The following SGIP1 variants were observed in gnomAD, a reference collection of about 807,000 sequenced individuals.
SGIP1 encodes SH3-containing GRB2-like protein 3-interacting protein 1.
SGIP1 carries 38 observed loss-of-function variants against 107.5 expected under a neutral mutation model. The ratio of observed to expected loss-of-function variants is 0.35; its 90% confidence interval spans 0.27 to 0.46. SGIP1 has a LOEUF of 0.46. SGIP1 is among the 20% of genes least tolerant of loss of function. The probability of loss-of-function intolerance (pLI) is 1.00; values close to 1 mark genes in which losing one functional copy is unlikely to be tolerated. For missense variants in SGIP1, 929 were observed against 1,019.5 expected (o/e 0.91, Z 1.21); for synonymous variants, 365 against 366.1 (o/e 1.00, Z 0.03).
intron 21 of SGIP1, among the ~76,000 whole-genome samples, chr1:66,738,925 T>C (rs1317660447): frequency 6.6e-6 from 1 of 152,144 alleles, no homozygotes; most frequent in African/African-American, 2.4e-5. Context: ...GTAAATATTA[T>C]TGTTGTAATT....
intron 15 of SGIP1, among the ~76,000 whole-genome samples, chr1:66,685,819 C>G (rs1344280142): frequency 1.3e-5 from 2 of 152,188 alleles, no homozygotes; most frequent in Non-Finnish European, 2.9e-5. Context: ...TGGCTAGCAA[C>G]TATCTTATTA....
chr1:66,701,974 T>C (rs937996497), intron 18 of SGIP1, among the ~76,000 whole-genome samples: 10 of 152,102 alleles, frequency 6.6e-5, no homozygotes, highest in Admixed American at 5.2e-4. Context: ...ATGCAAGGAG[T>C]ACCTAGTTGG....
In SGIP1 at chr1:66,607,269, C is replaced by T. The variant is rs968829768; in HGVS notation, c.11-18578C>T. On this transcript the variant is annotated intron_variant, in intron 1 of 24. Transcript: ENST00000371037. ...TAGTTATCTCAAATGAAAAGTGCCT[C>T]GAGGACAAGGAACCAGGACTTGGAG... 5.9e-5 allele frequency among the ~76,000 whole-genome samples: 9 copies of T among 152,154 alleles called. No homozygotes were observed. The East Asian group carries it at 9.6e-4, about 16-fold the overall frequency.
chr1:66,726,033 C>T (rs2093738503), intron 19 of SGIP1, among the ~76,000 whole-genome samples: 1 of 152,338 alleles, frequency 6.6e-6, no homozygotes, highest in African/African-American at 2.4e-5. Flanking sequence ...GGAAAGCTGT[C>T]TGTGCTACCA....
At chr1:66,695,310 T>G (rs768072573) in intron 17 of SGIP1, 124 bp from the exon 18 acceptor site, 5 of 1,536,924 alleles carry the variant, frequency 3.3e-6, no homozygotes, top group Non-Finnish European at 1.8e-6. Context: ...TGCACGCTAA[T>G]GGCATGTAGT....
intron 23 of SGIP1, 133 bp from the exon 24 acceptor site, chr1:66,741,139 A>G: frequency 1.0e-6 from 1 of 957,518 alleles, no homozygotes. Context: ...ATATTCAATG[A>G]TAAACTCATT....
chr1:66,680,676 T>C (rs563730939), intron 14 of SGIP1, among the ~76,000 whole-genome samples: 2 of 152,350 alleles, frequency 1.3e-5, no homozygotes, highest in South Asian at 2.1e-4. Context: ...ACAAATTGTG[T>C]TAGATATAAA....
chr1:66,595,596 C>T (rs1414069968), intron 1 of SGIP1, among the ~76,000 whole-genome samples: 1 of 152,152 alleles, frequency 6.6e-6, no homozygotes, highest in Non-Finnish European at 1.5e-5. Flanking sequence ...GAGTTCCACT[C>T]TCAGGTTTTG....
chr1:66,595,252 C>A (rs929652998), intron 1 of SGIP1, among the ~76,000 whole-genome samples: 1 of 152,224 alleles, frequency 6.6e-6, no homozygotes, highest in African/African-American at 2.4e-5. Context: ...GTGGCAATAT[C>A]TTTGCCAGTG....
intron 7 of SGIP1, among the ~76,000 whole-genome samples, chr1:66,655,777 T>C (rs1299587787): frequency 2.6e-5 from 4 of 152,072 alleles, no homozygotes; most frequent in Non-Finnish European, 5.9e-5. Context: ...TTACCATGAA[T>C]GGAGTTTGCA....
At chr1:66,724,223 G>A (rs1444701073) in intron 19 of SGIP1, among the ~76,000 whole-genome samples, 3 of 152,090 alleles carry the variant, frequency 2.0e-5, no homozygotes, top group Admixed American at 6.6e-5. Flanking sequence ...AAGTCACTTG[G>A]CTGGTTGACT....
At chr1:66,629,254 A>T (rs950251278) in intron 2 of SGIP1, among the ~76,000 whole-genome samples, 2 of 152,178 alleles carry the variant, frequency 1.3e-5, no homozygotes, top group Non-Finnish European at 2.9e-5. Context: ...TGGGGTTAGG[A>T]CCAGAATTTC....
intron 1 of SGIP1, among the ~76,000 whole-genome samples, chr1:66,591,195 G>T (rs761060791): frequency 3.9e-5 from 6 of 152,080 alleles, no homozygotes; most frequent in African/African-American, 7.2e-5. Flanking sequence ...TCTGAATTTG[G>T]TCTGGAAATA....
chr1:66,611,023 C>T (rs746482052), intron 1 of SGIP1, among the ~76,000 whole-genome samples: 11 of 152,104 alleles, frequency 7.2e-5, no homozygotes, highest in Non-Finnish European at 1.2e-4. Context: ...GGACTACAAA[C>T]TGGGTACAGT....
At chr1:66,656,217 A>G (rs745752879) in intron 7 of SGIP1, among the ~76,000 whole-genome samples, 16 of 152,022 alleles carry the variant, frequency 1.1e-4, no homozygotes, top group African/African-American at 3.6e-4. Flanking sequence ...TTTCCCCTCC[A>G]CCTTTTATCC....
chr1:66,561,706 G>T (rs780178408), intron 1 of SGIP1, among the ~76,000 whole-genome samples: 2 of 152,000 alleles, frequency 1.3e-5, no homozygotes, highest in Non-Finnish European at 2.9e-5. Context: ...AAGACACTCG[G>T]TCCCACCTGT....
chr1:66,642,979 C>T, intron 6 of SGIP1, 115 bp downstream of exon 6: 5 of 849,028 alleles, frequency 5.9e-6, no homozygotes, highest in Non-Finnish European at 9.0e-6. Context: ...TCCTGTTATC[C>T]CTAATATTAG....
chr1:66,712,468 G>A (rs1006609054), intron 18 of SGIP1, among the ~76,000 whole-genome samples: 8 of 152,116 alleles, frequency 5.3e-5, no homozygotes, highest in African/African-American at 1.9e-4. Flanking sequence ...TGCATAGGAG[G>A]CAACCTGATT....
intron 15 of SGIP1, chr1:66,684,072 C>G (rs1444805493): frequency 6.5e-7 from 1 of 1,549,648 alleles, no homozygotes; most frequent in Non-Finnish European, 8.7e-7. Context: ...CAACACCACC[C>G]TGTGGTAGAT....
Sources: gnomAD v4.1 joint callset for allele counts (sites outside exome capture counted in the v4.1 genomes callset) on GRCh38, gnomAD v4.1.1 for gene constraint, MANE v1.5 for transcripts, NCBI Gene and HGNC (gene_info 2026-07-23, HGNC 2026-07-21) for gene names.